Variants in LRP11 observed in about 807,000 individuals in gnomAD.
LRP11 encodes the protein low-density lipoprotein receptor-related protein 11.
LRP11 carries 25 observed loss-of-function variants against 43.1 expected under a neutral mutation model. That is an observed-to-expected ratio of 0.58 (90% confidence interval 0.42 to 0.81). The LOEUF (loss-of-function observed/expected upper bound fraction) is 0.81. Among genes scored for constraint, LRP11 ranks in the 30% least tolerant of loss-of-function variants. The pLI is 0.00. For synonymous variants in LRP11, 316 were observed against 299.4 expected, an observed-to-expected ratio of 1.06 and a Z score of -0.57; for missense variants, 623 against 665.1, an observed-to-expected ratio of 0.94 and a Z score of 0.70.
At chr6:149,834,394 G>A (rs893480980) in intron 5 of LRP11, among the ~76,000 whole-genome samples, 1 of 152,198 alleles carries the variant, frequency 6.6e-6, no homozygotes, top group African/African-American at 2.4e-5. Flanking sequence ...GAGATATGAA[G>A]TGACTTATTC....
At chr6:149,859,643 GC>G (rs1562448212) in intron 1 of LRP11, among the ~76,000 whole-genome samples, 2 of 151,776 alleles carry the variant, frequency 1.3e-5, no homozygotes, top group Non-Finnish European at 2.9e-5. Flanking sequence ...CAATCCACCT[GC>G]GTTGGCCTCC....
At chr6:149,851,024 A>ATG (rs1776711081) in intron 2 of LRP11, among the ~76,000 whole-genome samples, 1 of 152,198 alleles carries the variant, frequency 6.6e-6, no homozygotes, top group Non-Finnish European at 1.5e-5. Flanking sequence ...GATGAGTGTT[A>ATG]ACTTTGGGTG....
chr6:149,856,952 A>G (rs962443865), intron 1 of LRP11, among the ~76,000 whole-genome samples: 1 of 152,200 alleles, frequency 6.6e-6, no homozygotes. Context: ...TTCCAACTGC[A>G]ACACTTCGGA....
rs1490505995 is a variant in LRP11, at chr6:149,853,623, T to C, written c.614-463A>G. On this transcript the variant is annotated intron_variant, in intron 1 of 6. Transcript: ENST00000239367. ...CCCGGGTTCAAGCGGTTCTTCTGCC[T>C]CAACCGCCCGAGTAGCTGGGATTAC... Among the ~76,000 whole-genome samples, 3 of 152,212 alleles carry C rather than the reference T, an allele frequency of 2.0e-5. No homozygotes were observed. The East Asian group carries it at 5.8e-4, about 29-fold the overall frequency.
At chr6:149,855,908 C>G (rs117464504) in intron 1 of LRP11, among the ~76,000 whole-genome samples, 1 of 152,116 alleles carries the variant, frequency 6.6e-6, no homozygotes, top group Non-Finnish European at 1.5e-5. Context: ...TGAACAAACA[C>G]GGAGTGTCTG....
At chr6:149,838,684 CAAA>C (rs397943761) in intron 3 of LRP11, among the ~76,000 whole-genome samples, 5 of 92,006 alleles carry the variant, frequency 5.4e-5, no homozygotes, top group Non-Finnish European at 6.7e-5. Flanking sequence ...GACTCTGTCT[CAAA>C]AAAAAAAAAA....
At chr6:149,855,921 G>A (rs771411075) in intron 1 of LRP11, among the ~76,000 whole-genome samples, 10 of 152,126 alleles carry the variant, frequency 6.6e-5, no homozygotes, top group Non-Finnish European at 1.5e-4. Context: ...AGTGTCTGAT[G>A]TCTTTATGCT....
intron 6 of LRP11, among the ~76,000 whole-genome samples, chr6:149,824,341 A>T (rs1206202494): frequency 1.3e-5 from 2 of 152,334 alleles, no homozygotes; most frequent in East Asian, 1.9e-4. Context: ...GTCTGATCTG[A>T]TTCCTGTTTA....
chr6:149,823,401 C>T (rs1023106155), intron 6 of LRP11, among the ~76,000 whole-genome samples: 19 of 152,024 alleles, frequency 1.2e-4, no homozygotes, highest in Admixed American at 5.9e-4. Flanking sequence ...GAGAAATGAA[C>T]CTGAGGAAAT....
Position 149,826,439 on chromosome 6 carries a change from T to C in LRP11, c.1253-80A>G, listed in dbSNP as rs570041992. The C allele has an allele frequency of 1.5e-5, 13 of 876,462 alleles. No individual in the cohort carries two copies. In the African/African-American group the frequency reaches 1.9e-4, roughly 12 times the overall value. The allele number at this position is 876,462 out of a possible 1,614,324, so 54.3% of individuals were successfully genotyped here. A position where few individuals can be genotyped will look rare whatever the true frequency, so the allele number is the denominator to read the frequency against. On this transcript the variant is annotated intron_variant, in intron 5 of 6. Transcript: ENST00000239367. ...AAACAAATGTGAAAATACAGCCTTA[T>C]TTTTTTTTAAGATGGACTTAGAGAA...
intron 3 of LRP11, among the ~76,000 whole-genome samples, chr6:149,841,229 C>A (rs923786431): frequency 3.9e-5 from 6 of 152,192 alleles, no homozygotes; most frequent in African/African-American, 1.4e-4. Flanking sequence ...AAGGCTAGAT[C>A]CAATATAGTA....
intron 3 of LRP11, among the ~76,000 whole-genome samples, chr6:149,837,801 T>C (rs1219358671): frequency 1.3e-5 from 2 of 152,178 alleles, no homozygotes; most frequent in East Asian, 3.9e-4. Flanking sequence ...CATTCATTCA[T>C]AGAAACCATT....
intron 2 of LRP11, among the ~76,000 whole-genome samples, chr6:149,845,647 G>A (rs1188783160): frequency 6.6e-6 from 1 of 152,208 alleles, no homozygotes; most frequent in African/African-American, 2.4e-5. Context: ...AAAGAGCCTG[G>A]AGTGGGCTGC....
intron 2 of LRP11, among the ~76,000 whole-genome samples, chr6:149,848,066 A>C (rs1776665506): frequency 6.6e-6 from 1 of 152,146 alleles, no homozygotes; most frequent in African/African-American, 2.4e-5. Context: ...TGAATGGCTG[A>C]GTGCCCTCCC....
Position 149,827,435 on chromosome 6 carries a change from G to A in LRP11, c.1253-1076C>T, listed in dbSNP as rs1460709412. ...AGTATATAAAATTCTTTGGTAACTT[G>A]CATTTTGCAAATTTACTAAGTCACA... On this transcript the variant is annotated intron_variant, in intron 5 of 6. Coordinates refer to ENST00000239367, the MANE Select transcript of LRP11 (RefSeq NM_032832.6). The surrounding 1 kb of genome is among the most constrained non-coding windows in gnomAD (Gnocchi z 4.2). Among the ~76,000 whole-genome samples, 3 of 152,196 alleles carry A rather than the reference G, an allele frequency of 2.0e-5. No homozygotes were observed. The highest frequency in any genetic ancestry group is 2.9e-5 in the Non-Finnish European group (2 of 68,032).
chr6:149,834,444 C>G (rs1042327459), intron 5 of LRP11, among the ~76,000 whole-genome samples: 1 of 152,162 alleles, frequency 6.6e-6, no homozygotes, highest in Non-Finnish European at 1.5e-5. Context: ...GCTTTGGTCT[C>G]GACTCTACTT....
chr6:149,860,172 T>G (rs1035090664), intron 1 of LRP11, among the ~76,000 whole-genome samples: 3 of 152,098 alleles, frequency 2.0e-5, no homozygotes, highest in Non-Finnish European at 1.5e-5. Context: ...AGGGAAAGGC[T>G]GGGGGTGGCA....
At chr6:149,854,713 T>A (rs1776773404) in intron 1 of LRP11, among the ~76,000 whole-genome samples, 1 of 152,228 alleles carries the variant, frequency 6.6e-6, no homozygotes, top group South Asian at 2.1e-4. Flanking sequence ...GTTCGAGTGC[T>A]GGCTGGGCTT....
intron 2 of LRP11, among the ~76,000 whole-genome samples, chr6:149,844,712 A>C (rs1325543712): frequency 6.6e-6 from 1 of 152,208 alleles, no homozygotes; most frequent in Non-Finnish European, 1.5e-5. Flanking sequence ...GGACTTTGGA[A>C]ATTACAGAGG....
Sources: allele counts gnomAD v4.1 joint callset (sites outside exome capture counted in the v4.1 genomes callset), GRCh38; gene constraint gnomAD v4.1.1; non-coding constraint Gnocchi (gnomAD v3.1); transcripts MANE v1.5; gene names NCBI Gene and HGNC (gene_info 2026-07-23, HGNC 2026-07-21).